The following SENP7 variants were observed in gnomAD, a reference collection of about 807,000 sequenced individuals.
SENP7 encodes SUMO specific peptidase 7.
A neutral mutation model predicts 141.2 loss-of-function variants in SENP7; 64 were observed. The ratio of observed to expected loss-of-function variants is 0.45; its 90% CI spans 0.37 to 0.56. The LOEUF (loss-of-function observed/expected upper bound fraction) is 0.56, where lower values mean the gene tolerates loss of function less well. SENP7 is among the 20% of genes least tolerant of loss of function. The pLI, the probability that SENP7 is intolerant of heterozygous loss-of-function variation, is 0.00. For synonymous variants in SENP7, 382 were observed against 426.4 expected (o/e 0.90, Z 1.28); for missense variants, 1,025 against 1,212.2 (o/e 0.85, Z 2.29).
At chr3:101,421,283 C>G (rs1169353594) in intron 4 of SENP7, among the ~76,000 whole-genome samples, 1 of 151,080 alleles carries the variant, frequency 6.6e-6, no homozygotes, top group African/African-American at 2.4e-5. Flanking sequence ...AAAGAGACAC[C>G]GAGAGACGGC....
In SENP7 at chr3:101,324,925, A is replaced by T. The variant is rs956682698; in HGVS notation, c.*1018T>A. On this transcript the variant is annotated 3_prime_UTR_variant, in exon 24 of 24. Coordinates refer to ENST00000394095, the MANE Select transcript of SENP7 (RefSeq NM_020654.5). ...TACCTGAATATTTAATAAAAAATTA[A>T]GTTCCATGAGGATCATAGGTCTCTA... 1 of 152,072 alleles carries T rather than the reference A, an allele frequency of 6.6e-6. No individual in the cohort carries two copies. The highest frequency in any genetic ancestry group is 2.1e-4 in the South Asian group (1 of 4,832). 9.4% of individuals were successfully genotyped at this position (152,072 alleles called of 1,614,324 possible).
chr3:101,473,527 C>T (rs1022406104), intron 3 of SENP7, among the ~76,000 whole-genome samples: 6 of 152,116 alleles, frequency 3.9e-5, no homozygotes, highest in African/African-American at 1.4e-4. Flanking sequence ...GCTGCATGTA[C>T]GTCTTCTTTG....
intron 10 of SENP7, among the ~76,000 whole-genome samples, chr3:101,364,228 A>AAGAAAGAAAGAAAGAAAGAAAG (rs2059976647): frequency 6.7e-6 from 1 of 148,664 alleles, no homozygotes; most frequent in African/African-American, 2.5e-5. Flanking sequence ...CCTTGTCTCA[A>AAGAAAGAAAGAAAGAAAGAAAG]AAAGAAAGAA....
intron 16 of SENP7, 140 bp downstream of exon 16, chr3:101,339,955 G>A (rs1004824886): frequency 9.2e-7 from 1 of 1,088,168 alleles, no homozygotes; most frequent in Non-Finnish European, 1.3e-6. Flanking sequence ...GAAAACCTTG[G>A]TAAGCAAAAA....
chr3:101,510,617 C>T (rs1401023613), intron 1 of SENP7, among the ~76,000 whole-genome samples: 1 of 152,048 alleles, frequency 6.6e-6, no homozygotes, highest in Non-Finnish European at 1.5e-5. Flanking sequence ...CTTTGGGAGG[C>T]CGAGGCAAGT....
At chr3:101,414,275 T>C in intron 5 of SENP7, 2 of 697,778 alleles carry the variant, frequency 2.9e-6, no homozygotes, top group Non-Finnish European at 5.2e-6. Context: ...GTGAAGAGTC[T>C]GGAGAGAGAG....
chr3:101,466,112 G>C lies in SENP7; in HGVS notation c.187-7060C>G, dbSNP rs564135717. Among the ~76,000 whole-genome samples, 3 of 151,864 alleles carry C rather than the reference G, an allele frequency of 2.0e-5. No individual in the cohort carries two copies. In the South Asian group the frequency reaches 6.2e-4, roughly 32 times the overall value. ...GTAAAAAACAACTTTAAAAAATGAA[G>C]AAAGCCTACATAACATATGAGATGC... is the stretch of plus-strand genomic sequence containing the variant. On this transcript the variant is annotated intron_variant, in intron 3 of 23. Transcript: ENST00000394095.
intron 5 of SENP7, among the ~76,000 whole-genome samples, chr3:101,410,635 T>A (rs1263328537): frequency 2.0e-5 from 3 of 151,842 alleles, no homozygotes; most frequent in African/African-American, 7.3e-5. Context: ...TCACCTGAGG[T>A]CAGGAGTTCG....
chr3:101,444,631 C>T (rs2062814401), intron 4 of SENP7, among the ~76,000 whole-genome samples: 1 of 151,140 alleles, frequency 6.6e-6, no homozygotes, highest in African/African-American at 2.4e-5. Context: ...TCTCAGTAAA[C>T]TATCGCAAGA....
intron 17 of SENP7, among the ~76,000 whole-genome samples, chr3:101,336,963 A>C (rs930935848): frequency 3.3e-5 from 5 of 152,248 alleles, no homozygotes; most frequent in African/African-American, 9.6e-5. Context: ...ACAGCCCTAT[A>C]TAACAGATAG....
At chr3:101,356,581 G>T (rs539742754) in intron 11 of SENP7, among the ~76,000 whole-genome samples, 1 of 152,194 alleles carries the variant, frequency 6.6e-6, no homozygotes, top group Non-Finnish European at 1.5e-5. Context: ...TTCGTGTAAT[G>T]TCTGAAGTGT....
At chr3:101,368,042 C>CA (rs1559727759) in intron 7 of SENP7, 31 bp from the exon 8 acceptor site, 7 of 1,529,558 alleles carry the variant, frequency 4.6e-6, no homozygotes, top group Middle Eastern at 1.7e-4. Context: ...TAAATATGGA[C>CA]AAAAAAGTAT....
chr3:101,427,654 TTTTC>T (rs2062010018), intron 4 of SENP7, among the ~76,000 whole-genome samples: 1 of 152,072 alleles, frequency 6.6e-6, no homozygotes, highest in South Asian at 2.1e-4. Context: ...TCCTTTTTCT[TTTTC>T]TTTTTTTTCT....
intron 4 of SENP7, among the ~76,000 whole-genome samples, chr3:101,439,015 C>T (rs1276359057): frequency 1.5e-5 from 2 of 134,490 alleles, no homozygotes; most frequent in African/African-American, 5.4e-5. Context: ...GTGAGGAGCC[C>T]CTCTGCCTGG....
chr3:101,475,356 G>C (rs1401853887), intron 3 of SENP7, among the ~76,000 whole-genome samples: 2 of 152,150 alleles, frequency 1.3e-5, no homozygotes, highest in East Asian at 3.8e-4. Flanking sequence ...ATGTACATCA[G>C]GGAATACTAT....
intron 3 of SENP7, among the ~76,000 whole-genome samples, chr3:101,482,345 G>C (rs961847973): frequency 1.3e-5 from 2 of 151,840 alleles, no homozygotes; most frequent in African/African-American, 4.8e-5. Flanking sequence ...AAATACTTTG[G>C]TATAACTCTA....
At chr3:101,380,453 A>G (rs1409310697) in intron 6 of SENP7, among the ~76,000 whole-genome samples, 1 of 141,810 alleles carries the variant, frequency 7.1e-6, no homozygotes, top group Non-Finnish European at 1.5e-5. Flanking sequence ...CCCCACACAC[A>G]CACACAAAAC....
At chr3:101,395,805 C>A (rs948533635) in intron 6 of SENP7, among the ~76,000 whole-genome samples, 9 of 152,314 alleles carry the variant, frequency 5.9e-5, no homozygotes, top group African/African-American at 2.2e-4. Context: ...TGTTGGCACC[C>A]TCATTGTAGA....
chr3:101,372,181 A>G, intron 6 of SENP7, 55 bp from the exon 7 acceptor site: 1 of 869,978 alleles, frequency 1.1e-6, no homozygotes. Context: ...ATGAATTTAG[A>G]AGCCAACTAG....
Sources: gnomAD v4.1 joint callset for allele counts (sites outside exome capture counted in the v4.1 genomes callset) on GRCh38, gnomAD v4.1.1 for gene constraint, MANE v1.5 for transcripts, NCBI Gene and HGNC (gene_info 2026-07-23, HGNC 2026-07-21) for gene names.